KCNT2: variants seen among roughly 807,000 people sequenced by gnomAD.
KCNT2 encodes potassium channel subfamily T member 2.
In KCNT2, 67 loss-of-function variants were observed where a neutral mutation model predicts 153.8. The observed-to-expected ratio is 0.44, with a 90% confidence interval of 0.36 to 0.53. The LOEUF (loss-of-function observed/expected upper bound fraction) is 0.53. KCNT2 is among the 20% of genes least tolerant of loss of function. KCNT2 has a pLI of 0.00. For synonymous variants in KCNT2, 500 were observed against 458.8 expected (o/e 1.09, Z -1.15); for missense variants, 975 against 1,354.8 (o/e 0.72, Z 4.40).
intron 1 of KCNT2, among the ~76,000 whole-genome samples, chr1:196,597,886 A>G (rs1664275387): frequency 6.6e-6 from 1 of 151,450 alleles, no homozygotes; most frequent in African/African-American, 2.4e-5. Context: ...CCCTAAATCA[A>G]GTAACTTCAC....
At chr1:196,482,561 A>G (rs530342326) in intron 3 of KCNT2, among the ~76,000 whole-genome samples, 182 bp from the exon 4 acceptor site, 2 of 152,256 alleles carry the variant, frequency 1.3e-5, no homozygotes, top group East Asian at 3.9e-4. Flanking sequence ...TTCTATTCCG[A>G]TAAAAACTTT....
intron 8 of KCNT2, among the ~76,000 whole-genome samples, chr1:196,460,228 A>C (rs1310089052): frequency 1.3e-5 from 2 of 151,850 alleles, no homozygotes; most frequent in African/African-American, 2.4e-5. Flanking sequence ...AAAAAGTTGC[A>C]AAAGTTTTAC....
At chr1:196,593,490 C>G (rs1353437197) in intron 1 of KCNT2, among the ~76,000 whole-genome samples, 1 of 151,712 alleles carries the variant, frequency 6.6e-6, no homozygotes, top group African/African-American at 2.4e-5. Context: ...AATGACTTCT[C>G]TTCCTCTGGG....
chr1:196,396,998 T>C (rs1670992356), intron 13 of KCNT2, among the ~76,000 whole-genome samples: 1 of 151,522 alleles, frequency 6.6e-6, no homozygotes, highest in Non-Finnish European at 1.5e-5. Flanking sequence ...TTTAAGGTCT[T>C]GATACAATAT....
At chr1:196,446,046 C>T (rs774030184) in intron 8 of KCNT2, among the ~76,000 whole-genome samples, 9 of 151,496 alleles carry the variant, frequency 5.9e-5, no homozygotes, top group Non-Finnish European at 1.2e-4. Flanking sequence ...ATTAACCTAA[C>T]GGACATTGCT....
intron 19 of KCNT2, among the ~76,000 whole-genome samples, chr1:196,322,251 G>A (rs1397190647): frequency 6.6e-6 from 1 of 151,798 alleles, no homozygotes; most frequent in Non-Finnish European, 1.5e-5. Context: ...ATTACAAACA[G>A]ATTAATAAGA....
chr1:196,381,658 G>A (rs192536787), intron 13 of KCNT2, among the ~76,000 whole-genome samples: 9 of 152,200 alleles, frequency 5.9e-5, no homozygotes, highest in African/African-American at 2.2e-4. Context: ...CTTAAAATAG[G>A]TAACAGAATG....
At chr1:196,573,426 G>C (rs1211431774) in intron 1 of KCNT2, among the ~76,000 whole-genome samples, 3 of 151,958 alleles carry the variant, frequency 2.0e-5, no homozygotes, top group Non-Finnish European at 4.4e-5. Context: ...TTTAATTGCT[G>C]AATCATGTTT....
chr1:196,228,879 C>A (rs1653703419), intron 27 of KCNT2, among the ~76,000 whole-genome samples: 7 of 151,892 alleles, frequency 4.6e-5, no homozygotes, highest in Admixed American at 4.6e-4. Context: ...AACAGTTTAA[C>A]AAATGTTATA....
chr1:196,561,500 C>T lies in KCNT2; in HGVS notation c.95+46715G>A, dbSNP rs1659376589. On this transcript the variant is annotated intron_variant, in intron 1 of 27. Coordinates refer to ENST00000294725, the MANE Select transcript of KCNT2 (RefSeq NM_198503.5). The stretch of plus-strand genomic sequence containing the variant: ...ACAATGAGAGGCATAAAGATGACTC[C>T]TAAGTTGTTGATATTGTAAACCAAA... Among the ~76,000 whole-genome samples, 3 of 150,792 alleles carry T rather than the reference C, an allele frequency of 2.0e-5. No homozygotes were observed. The South Asian group carries it at 6.3e-4, about 32-fold the overall frequency.
chr1:196,514,729 C>T (rs1681910703), intron 1 of KCNT2, among the ~76,000 whole-genome samples: 1 of 152,140 alleles, frequency 6.6e-6, no homozygotes, highest in Non-Finnish European at 1.5e-5. Context: ...TCTATATCTA[C>T]ATAAAAATAT....
intron 8 of KCNT2, among the ~76,000 whole-genome samples, chr1:196,438,237 C>T (rs1465063912): frequency 6.6e-6 from 1 of 151,640 alleles, no homozygotes; most frequent in African/African-American, 2.4e-5. Context: ...ACAAAAGTCT[C>T]ATAAAGCTTT....
intron 2 of KCNT2, among the ~76,000 whole-genome samples, chr1:196,490,677 T>A (rs747242373): frequency 6.6e-6 from 1 of 151,760 alleles, no homozygotes; most frequent in African/African-American, 2.4e-5. Context: ...CTGCCATGTA[T>A]GTATCTTCTA....
intron 26 of KCNT2, among the ~76,000 whole-genome samples, chr1:196,248,742 C>T (rs1655671630): frequency 6.6e-6 from 1 of 152,146 alleles, no homozygotes; most frequent in African/African-American, 2.4e-5. Context: ...AATAACAATC[C>T]TACTCAACCT....
chr1:196,395,599 T>C (rs1233342940), intron 13 of KCNT2, among the ~76,000 whole-genome samples: 1 of 151,502 alleles, frequency 6.6e-6, no homozygotes, highest in African/African-American at 2.4e-5. Flanking sequence ...ATCCCCATTT[T>C]ACAACTTGAA....
At chr1:196,339,518 CACAGAGAGAGAGAG>C (rs1251867488) in intron 16 of KCNT2, among the ~76,000 whole-genome samples, 2 of 100,358 alleles carry the variant, frequency 2.0e-5, no homozygotes, top group African/African-American at 6.4e-5. Flanking sequence ...CACACACACA[CACAGAGAGAGAGAG>C]AGAGAGAGAG....
chr1:196,482,929 A>G (rs1679127269), intron 3 of KCNT2, among the ~76,000 whole-genome samples: 1 of 152,088 alleles, frequency 6.6e-6, no homozygotes, highest in African/African-American at 2.4e-5. Flanking sequence ...AAAATGATAT[A>G]TTTTCTGATG....
intron 26 of KCNT2, chr1:196,257,820 T>C (rs1008012368): frequency 1.0e-6 from 1 of 985,142 alleles, no homozygotes; most frequent in Non-Finnish European, 1.2e-6. Flanking sequence ...CAGTTACTTG[T>C]CAATGCCTCA....
intron 5 of KCNT2, among the ~76,000 whole-genome samples, chr1:196,475,362 C>T (rs1678440113): frequency 6.6e-6 from 1 of 152,068 alleles, no homozygotes; most frequent in African/African-American, 2.4e-5. Flanking sequence ...TGCCTATAAT[C>T]CCAGCACTTC....
Sources: allele counts gnomAD v4.1 joint callset (sites outside exome capture counted in the v4.1 genomes callset), GRCh38; gene constraint gnomAD v4.1.1; transcripts MANE v1.5; gene names NCBI Gene and HGNC (gene_info 2026-07-23, HGNC 2026-07-21).